The following BIRC6 variants were observed in gnomAD, a reference collection of about 807,000 sequenced individuals.
BIRC6 encodes dual E2 ubiquitin-conjugating enzyme/E3 ubiquitin-protein ligase BIRC6.
A neutral mutation model predicts 503.3 loss-of-function variants in BIRC6; 98 were observed. The observed-to-expected ratio is 0.19, with a 90% CI of 0.17 to 0.23. The LOEUF is 0.23. Among genes scored for constraint, BIRC6 ranks in the 10% least tolerant of loss-of-function variants. The probability of loss-of-function intolerance (pLI) is 1.00; values close to 1 mark genes in which losing one functional copy is unlikely to be tolerated. For synonymous variants in BIRC6, 2,240 were observed against 2,078.7 expected (o/e 1.08, Z -2.11); for missense variants, 5,360 against 5,806.0 (o/e 0.92, Z 2.50).
intron 71 of BIRC6, among the ~76,000 whole-genome samples, chr2:32,604,806 G>C (rs72858124): frequency 0.011 from 1,654 of 152,030 alleles, 35 homozygotes; most frequent in African/African-American, 0.037. Flanking sequence ...ACAAGGGTTT[G>C]CTATACAGAT....
At position 32,388,775 on chromosome 2, in the gene BIRC6, C is replaced by A. The variant is rs1316064935; in HGVS notation, c.671C>A (p.Pro224His). The change falls in exon 4 of 74, where the codon CCT becomes CAT. Residue 224 changes from proline to histidine, a missense_variant. Physicochemically the swap from Pro to His is moderately conservative, Grantham distance 77. Transcript: ENST00000421745. The part of the protein sequence containing the change: ...AKWATVTFHL[P>H]HHVLKSIASA... ...TGGGCCACAGTTACATTTCATCTTC[C>A]TCATCATGTGTTGAAGTCCATTGCC... 6.2e-7 allele frequency: 1 copy of A among 1,604,170 alleles called. No homozygotes were observed. Among genetic ancestry groups the A allele is most frequent in the South Asian group, 1.1e-5 (1 of 89,544 alleles).
Position 32,476,318 on chromosome 2 carries a change from G to A in BIRC6, c.6826G>A (p.Ala2276Thr). The change falls in exon 34 of 74, where the codon GCA becomes ACA. Residue 2276 changes from alanine (A) to threonine (T), a missense_variant. This residue lies in a region of BIRC6 where 2,299 missense variants were observed against 2,267.2 expected (regional missense o/e 1.01). Coordinates refer to ENST00000421745, the MANE Select transcript of BIRC6 (RefSeq NM_016252.4). ...GSSYKLLVEQ[A>T]KLKQATSKHF... Reference sequence around the variant, plus strand: ...ATCATATAAACTCCTGGTAGAACAAGCAAAACTAAAGCAGGCCACTTCAAA... The same window carrying A: ...ATCATATAAACTCCTGGTAGAACAAACAAAACTAAAGCAGGCCACTTCAAA... 1 of 1,577,574 alleles carries A rather than the reference G, an allele frequency of 6.3e-7. No individual in the cohort carries two copies. Among genetic ancestry groups the A allele is most frequent in the East Asian group, 2.3e-5 (1 of 43,612 alleles).
At chr2:32,568,298 C>G (rs2059672869) in intron 65 of BIRC6, among the ~76,000 whole-genome samples, 1 of 150,598 alleles carries the variant, frequency 6.6e-6, no homozygotes, top group South Asian at 2.1e-4. Flanking sequence ...CGAGACCAGC[C>G]TGGGCAACAT....
intron 68 of BIRC6, 131 bp from the exon 69 acceptor site, chr2:32,597,620 C>A (rs916696627): frequency 1.8e-5 from 12 of 667,154 alleles, no homozygotes; most frequent in Non-Finnish European, 5.2e-6. Context: ...TAAACATTTA[C>A]ACTTTTGCTA....
chr2:32,614,692 T>C (rs557478709), intron 73 of BIRC6, among the ~76,000 whole-genome samples: 69 of 151,920 alleles, frequency 4.5e-4, no homozygotes, highest in Non-Finnish European at 8.8e-4. Flanking sequence ...ATTAGTCAAG[T>C]GTGGTGGCTC....
At chr2:32,457,731 G>T (rs889999413) in intron 23 of BIRC6, among the ~76,000 whole-genome samples, 1 of 151,548 alleles carries the variant, frequency 6.6e-6, no homozygotes, top group Non-Finnish European at 1.5e-5. Flanking sequence ...TGTTTCTTAG[G>T]TCTGAAAAAT....
At chr2:32,491,135 T>C (rs886295005) in intron 43 of BIRC6, among the ~76,000 whole-genome samples, 5 of 152,194 alleles carry the variant, frequency 3.3e-5, no homozygotes, top group African/African-American at 7.2e-5. Context: ...TAGAATAGGC[T>C]TTCCAAATAA....
intron 65 of BIRC6, among the ~76,000 whole-genome samples, chr2:32,574,184 C>T (rs377189684): frequency 2.5e-4 from 30 of 120,926 alleles, no homozygotes; most frequent in East Asian, 7.0e-4. Context: ...TTTTTTGAGG[C>T]GGGATTTTGC....
At chr2:32,406,302 A>G (rs111766751) in intron 8 of BIRC6, among the ~76,000 whole-genome samples, 197 bp from the exon 9 acceptor site, 2,658 of 152,274 alleles carry the variant, frequency 0.017, 80 homozygotes, top group African/African-American at 0.06. Context: ...AGGCTGAGGC[A>G]GGAGGATTGG....
chr2:32,525,921 T>C (rs2056227258), intron 59 of BIRC6, among the ~76,000 whole-genome samples: 1 of 152,206 alleles, frequency 6.6e-6, no homozygotes, highest in Non-Finnish European at 1.5e-5. Flanking sequence ...AGAGAGTTCA[T>C]GACAAGTTAT....
intron 1 of BIRC6, among the ~76,000 whole-genome samples, chr2:32,375,743 C>CTCT (rs1432305814): frequency 7.2e-6 from 1 of 138,380 alleles, no homozygotes; most frequent in Non-Finnish European, 1.6e-5. Context: ...CTTTCTCTCT[C>CTCT]TTTTTTTTTT....
intron 55 of BIRC6, among the ~76,000 whole-genome samples, chr2:32,517,082 G>C (rs969218583): frequency 6.6e-6 from 1 of 152,172 alleles, no homozygotes; most frequent in African/African-American, 2.4e-5. Flanking sequence ...TATAATCCCA[G>C]CTCTTTGGGA....
At position 32,511,353 on chromosome 2, in the gene BIRC6, A is replaced by G. The variant is rs185344434; in HGVS notation, c.10346+719A>G. Among the ~76,000 whole-genome samples the G allele has an allele frequency of 6.3e-3, 957 of 151,378 alleles. 11 individuals carry two copies. Among genetic ancestry groups the G allele is most frequent in the African/African-American group, 0.022 (908 of 41,360 alleles). Reference sequence around the variant, plus strand: ...GAGATGGAGTCTTGCTCTGTTGCCCAGGCTGGAGCGCAGTGGTGCAATCTT... The same window carrying G: ...GAGATGGAGTCTTGCTCTGTTGCCCGGGCTGGAGCGCAGTGGTGCAATCTT... On this transcript the variant is annotated intron_variant, in intron 53 of 73. Coordinates refer to ENST00000421745, the MANE Select transcript of BIRC6 (RefSeq NM_016252.4).
intron 30 of BIRC6, 131 bp downstream of exon 30, chr2:32,469,745 A>T: frequency 1.2e-6 from 1 of 825,950 alleles, no homozygotes; most frequent in Non-Finnish European, 1.9e-6. Context: ...AGTTTGTGAA[A>T]TGACCAGTGA....
chr2:32,436,556 C>T (rs1243876272), intron 15 of BIRC6, among the ~76,000 whole-genome samples: 2 of 152,062 alleles, frequency 1.3e-5, no homozygotes, highest in Non-Finnish European at 2.9e-5. Context: ...ATTACAGTAT[C>T]TTCCCTTAAA....
At chr2:32,392,731 C>A (rs1033885933) in intron 5 of BIRC6, among the ~76,000 whole-genome samples, 1 of 152,058 alleles carries the variant, frequency 6.6e-6, no homozygotes, top group Admixed American at 6.5e-5. Context: ...ACAGGTGATC[C>A]GCCCACCTCA....
intron 3 of BIRC6, among the ~76,000 whole-genome samples, chr2:32,380,616 A>G (rs949532472): frequency 6.6e-6 from 1 of 152,042 alleles, no homozygotes; most frequent in African/African-American, 2.4e-5. Context: ...AATCCCAGCT[A>G]CTTGGAGGCT....
intron 61 of BIRC6, among the ~76,000 whole-genome samples, chr2:32,536,088 G>C (rs1351098883): frequency 6.6e-6 from 1 of 152,124 alleles, no homozygotes; most frequent in Non-Finnish European, 1.5e-5. Flanking sequence ...GTGTCTTTTG[G>C]CTGCATAAAT....
intron 57 of BIRC6, among the ~76,000 whole-genome samples, chr2:32,520,795 C>T (rs2055573909): frequency 1.3e-5 from 2 of 152,100 alleles, no homozygotes; most frequent in South Asian, 2.1e-4. Context: ...CCAGCCTGGA[C>T]GACAGAGCGA....
Sources: allele counts gnomAD v4.1 joint callset (sites outside exome capture counted in the v4.1 genomes callset), GRCh38; gene constraint gnomAD v4.1.1; regional missense constraint gnomAD v4.1.1; transcripts MANE v1.5; gene names NCBI Gene and HGNC (gene_info 2026-07-23, HGNC 2026-07-21).